The following SLC71A1 variants were observed in gnomAD, a reference collection of about 807,000 sequenced individuals.
SLC71A1 encodes the protein hippocampus abundant gene transcript 1.
At chr1:100,050,141 G>T in the SLC71A1 span, 1 of 527,234 alleles carries the variant, frequency 1.9e-6, no homozygotes, top group Admixed American at 3.7e-5. Context: ...GTATTTTACT[G>T]GTTGTCTTTT....
At chr1:100,056,017 C>T in the SLC71A1 span, among the ~76,000 whole-genome samples, 2 of 152,304 alleles carry the variant, frequency 1.3e-5, no homozygotes, top group South Asian at 4.1e-4. Flanking sequence ...TCCCAAGGTG[C>T]TGGGATTACA....
the SLC71A1 span, among the ~76,000 whole-genome samples, chr1:100,078,142 C>G: frequency 6.6e-6 from 1 of 152,172 alleles, no homozygotes; most frequent in East Asian, 1.9e-4. Flanking sequence ...GTTTCGTCAT[C>G]TATATTATAC....
chr1:100,040,384 A>T, the SLC71A1 span, among the ~76,000 whole-genome samples: 1 of 152,340 alleles, frequency 6.6e-6, no homozygotes, highest in South Asian at 2.1e-4. Context: ...TATTGCAGTC[A>T]TAGAAATGAT....
the SLC71A1 span, among the ~76,000 whole-genome samples, chr1:100,047,206 C>T: frequency 1.3e-5 from 2 of 152,138 alleles, no homozygotes; most frequent in Admixed American, 1.3e-4. Flanking sequence ...TCATATATGG[C>T]TTTTATCATA....
chr1:100,075,610 T>C, the SLC71A1 span, among the ~76,000 whole-genome samples: 1 of 152,214 alleles, frequency 6.6e-6, no homozygotes, highest in East Asian at 1.9e-4. Flanking sequence ...TAATTATTTC[T>C]AACCCTAATT....
chr1:100,077,748 G>A, the SLC71A1 span, among the ~76,000 whole-genome samples: 2 of 152,160 alleles, frequency 1.3e-5, no homozygotes, highest in Admixed American at 6.5e-5. Context: ...CTGACCAGTC[G>A]GGTTTCCTGC....
chr1:100,061,921 A>T, the SLC71A1 span: 3 of 1,611,840 alleles, frequency 1.9e-6, no homozygotes, highest in Non-Finnish European at 2.5e-6. Flanking sequence ...ATAACCCAAG[A>T]GCATGAAAGA....
the SLC71A1 span, among the ~76,000 whole-genome samples, chr1:100,043,457 C>T: frequency 1.3e-5 from 2 of 152,130 alleles, no homozygotes; most frequent in Non-Finnish European, 2.9e-5. Flanking sequence ...ATAAATAATA[C>T]ATGTTTTCCT....
chr1:100,047,202 A>G, the SLC71A1 span, among the ~76,000 whole-genome samples: 1 of 152,182 alleles, frequency 6.6e-6, no homozygotes, highest in Non-Finnish European at 1.5e-5. Flanking sequence ...TCTGTCATAT[A>G]TGGCTTTTAT....
the SLC71A1 span, among the ~76,000 whole-genome samples, chr1:100,065,239 G>C: frequency 6.6e-6 from 1 of 152,142 alleles, no homozygotes; most frequent in Non-Finnish European, 1.5e-5. Flanking sequence ...TTGATTGATA[G>C]CTAGATGTTT....
At chr1:100,043,626 GT>G in the SLC71A1 span, among the ~76,000 whole-genome samples, 1 of 151,658 alleles carries the variant, frequency 6.6e-6, no homozygotes, top group Non-Finnish European at 1.5e-5. Flanking sequence ...TTACATAGAT[GT>G]TTTTTAGTGA....
the SLC71A1 span, chr1:100,082,850 T>G: frequency 1.3e-5 from 2 of 152,578 alleles, no homozygotes; most frequent in East Asian, 3.8e-4. Context: ...GCATTTAAGT[T>G]GGGGTATTTA....
the SLC71A1 span, chr1:100,082,136 G>C: frequency 6.2e-7 from 1 of 1,614,162 alleles, no homozygotes; most frequent in Non-Finnish European, 8.5e-7. Flanking sequence ...CACTGTGGCA[G>C]TCACAGCCAT....
At chr1:100,045,749 C>T in the SLC71A1 span, among the ~76,000 whole-genome samples, 7 of 151,600 alleles carry the variant, frequency 4.6e-5, no homozygotes, top group South Asian at 2.1e-4. Context: ...CTCGCTCTGT[C>T]GCCCAGGCGA....
At chr1:100,051,576 G>GT in the SLC71A1 span, among the ~76,000 whole-genome samples, 11 of 151,796 alleles carry the variant, frequency 7.2e-5, no homozygotes, top group African/African-American at 2.4e-4. Flanking sequence ...GATGATGCAA[G>GT]TTGATTATGA....
chr1:100,049,071 G>A, the SLC71A1 span, among the ~76,000 whole-genome samples: 1 of 152,214 alleles, frequency 6.6e-6, no homozygotes, highest in Non-Finnish European at 1.5e-5. Flanking sequence ...CTCATTTCTT[G>A]TTTGAGCTGA....
chr1:100,076,323 T>TGA, the SLC71A1 span, among the ~76,000 whole-genome samples: 1 of 152,238 alleles, frequency 6.6e-6, no homozygotes, highest in African/African-American at 2.4e-5. Context: ...CTAGCTATCT[T>TGA]ATGTAGTATA....
At chr1:100,067,282 C>T in the SLC71A1 span, among the ~76,000 whole-genome samples, 2 of 152,258 alleles carry the variant, frequency 1.3e-5, no homozygotes, top group East Asian at 3.9e-4. Flanking sequence ...CTCACTCTGT[C>T]ACCCTGGCTG....
chr1:100,068,722 C>T, the SLC71A1 span: 2 of 624,150 alleles, frequency 3.2e-6, no homozygotes, highest in Non-Finnish European at 5.6e-6. Context: ...GTGGCTCACG[C>T]CTGTAATCTC....
Sources: allele counts gnomAD v4.1 joint callset (sites outside exome capture counted in the v4.1 genomes callset), GRCh38; gene constraint gnomAD v4.1.1; transcripts MANE v1.5; gene names NCBI Gene and HGNC (gene_info 2026-07-23, HGNC 2026-07-21).